Variants in ADAM19 observed in about 807,000 individuals in gnomAD.
The protein encoded by ADAM19 is disintegrin and metalloproteinase domain-containing protein 19.
Under a neutral mutation model 114.7 loss-of-function variants are expected in ADAM19, and 65 were observed. The observed-to-expected ratio is 0.57, with a 90% confidence interval of 0.46 to 0.70. The LOEUF (loss-of-function observed/expected upper bound fraction) is 0.70, where lower values mean the gene tolerates loss of function less well. Among genes scored for constraint, ADAM19 ranks in the 30% least tolerant of loss-of-function variants. The pLI is 0.00. For synonymous variants in ADAM19, 466 were observed against 460.5 expected, an observed-to-expected ratio of 1.01 and a Z score of -0.15; for missense variants, 1,063 against 1,204.7, an observed-to-expected ratio of 0.88 and a Z score of 1.74.
intron 13 of ADAM19, among the ~76,000 whole-genome samples, chr5:157,497,787 C>G (rs1238139357): frequency 1.3e-5 from 2 of 152,228 alleles, no homozygotes; most frequent in Non-Finnish European, 2.9e-5. Flanking sequence ...AACAGCACAC[C>G]TGGGGCAAAG....
intron 2 of ADAM19, chr5:157,568,363 A>G (rs568195300): frequency 1.3e-5 from 2 of 151,382 alleles, no homozygotes; most frequent in Admixed American, 6.6e-5. Context: ...TTAAAAAAGG[A>G]TGTTCCCTTT....
chr5:157,558,636 C>G (rs1271925058), intron 3 of ADAM19, among the ~76,000 whole-genome samples: 1 of 152,174 alleles, frequency 6.6e-6, no homozygotes, highest in African/African-American at 2.4e-5. Context: ...GTCCTTTATC[C>G]TAGGTAAGAT....
intron 21 of ADAM19, among the ~76,000 whole-genome samples, chr5:157,487,253 G>T (rs189498483): frequency 6.6e-6 from 1 of 151,686 alleles, no homozygotes; most frequent in African/African-American, 2.4e-5. Context: ...CTCTCTTTCT[G>T]CATGGATTTT....
At chr5:157,533,649 T>C (rs1001761683) in intron 4 of ADAM19, among the ~76,000 whole-genome samples, 1 of 152,026 alleles carries the variant, frequency 6.6e-6, no homozygotes, top group African/African-American at 2.4e-5. Context: ...GTGTATCAGC[T>C]ACAGTTTCAA....
intron 1 of ADAM19, among the ~76,000 whole-genome samples, chr5:157,574,901 C>T (rs964081798): frequency 6.6e-6 from 1 of 152,212 alleles, no homozygotes; most frequent in Non-Finnish European, 1.5e-5. Flanking sequence ...GAAAGAGAGC[C>T]CTGGTTTCCA....
At chr5:157,522,663 G>A (rs1380106511) in intron 5 of ADAM19, among the ~76,000 whole-genome samples, 2 of 152,150 alleles carry the variant, frequency 1.3e-5, no homozygotes, top group Non-Finnish European at 2.9e-5. Flanking sequence ...GCGGGTGCCT[G>A]TAATCCCAGC....
chr5:157,477,623 G>C lies in ADAM19; in HGVS notation c.*3326C>G. On this transcript the variant is annotated 3_prime_UTR_variant, in exon 23 of 23. Transcript: ENST00000257527. ...CCTGGGGAAGGGGACCTTTCCAGTT[G>C]GCGTTCCCATGGCTTTCTTGGGTGT... 3 of 1,282,806 alleles carry C rather than the reference G, an allele frequency of 2.3e-6. No individual in the cohort carries two copies. The highest frequency in any genetic ancestry group is 3.0e-6 in the Non-Finnish European group (3 of 984,206). The allele number at this position is 1,282,806 out of a possible 1,614,324, so 79.5% of individuals were successfully genotyped here. A position where few individuals can be genotyped will look rare whatever the true frequency, so the allele number is the denominator to read the frequency against.
intron 3 of ADAM19, among the ~76,000 whole-genome samples, chr5:157,549,358 C>T (rs1757129417): frequency 6.6e-6 from 1 of 152,232 alleles, no homozygotes; most frequent in Admixed American, 6.5e-5. Flanking sequence ...CAACATATCA[C>T]TCTTCTGAAT....
intron 3 of ADAM19, among the ~76,000 whole-genome samples, chr5:157,547,894 G>A (rs1437275260): frequency 3.3e-5 from 5 of 152,004 alleles, no homozygotes; most frequent in African/African-American, 7.3e-5. Flanking sequence ...TTCTTCATCC[G>A]CTTCCCATTG....
intron 12 of ADAM19, among the ~76,000 whole-genome samples, chr5:157,501,342 CATTATAT>C (rs1159814342): frequency 6.6e-6 from 1 of 152,224 alleles, no homozygotes; most frequent in Non-Finnish European, 1.5e-5. Flanking sequence ...TTCCCCCTCA[CATTATAT>C]ATGTTCAGAG....
chr5:157,540,221 T>C (rs1171864286), intron 3 of ADAM19, among the ~76,000 whole-genome samples: 3 of 152,070 alleles, frequency 2.0e-5, no homozygotes, highest in Non-Finnish European at 4.4e-5. Context: ...AAAGTTTCTC[T>C]CTCTAACTTT....
rs1293903087 is a variant in ADAM19, at chr5:157,497,106, G to A, written c.1399-17C>T. 6.7e-7 allele frequency: 1 copy of A among 1,494,824 alleles called. No individual in the cohort carries two copies. The highest frequency in any genetic ancestry group is 8.9e-7 in the Non-Finnish European group (1 of 1,128,820). 92.6% of individuals were successfully genotyped at this position (1,494,824 alleles called of 1,614,324 possible). A position where few individuals can be genotyped will look rare whatever the true frequency, so the allele number is the denominator to read the frequency against. On this transcript the variant is annotated splice_polypyrimidine_tract_variant and intron_variant, in intron 13 of 22. Coordinates refer to ENST00000257527, the MANE Select transcript of ADAM19 (RefSeq NM_033274.5). ...AGCCAACAGCTGAGCCAAGGAATGA[G>A]AGGAAAACACAGTCAATCTCCTCCC...
intron 7 of ADAM19, among the ~76,000 whole-genome samples, chr5:157,518,555 T>C (rs2113738832): frequency 6.6e-6 from 1 of 152,314 alleles, no homozygotes; most frequent in South Asian, 2.1e-4. Context: ...CAGCTAATTT[T>C]GTATTTTTAG....
chr5:157,517,801 A>T (rs373529623), intron 7 of ADAM19, among the ~76,000 whole-genome samples: 43 of 152,176 alleles, frequency 2.8e-4, no homozygotes, highest in African/African-American at 1.0e-3. Flanking sequence ...AATTCTTAGA[A>T]CCTGTCTGAT....
At chr5:157,536,863 A>G (rs923931458) in intron 4 of ADAM19, among the ~76,000 whole-genome samples, 2 of 151,852 alleles carry the variant, frequency 1.3e-5, no homozygotes, top group African/African-American at 4.8e-5. Flanking sequence ...CCACACCACA[A>G]CTCCCAGTCT....
chr5:157,511,823 C>T (rs1004628741), intron 8 of ADAM19, among the ~76,000 whole-genome samples: 6 of 152,168 alleles, frequency 3.9e-5, no homozygotes, highest in Non-Finnish European at 8.8e-5. Flanking sequence ...ACACCAGCCG[C>T]GAGGAGAGAG....
At chr5:157,513,155 A>C (rs1214340165) in intron 8 of ADAM19, among the ~76,000 whole-genome samples, 1 of 152,226 alleles carries the variant, frequency 6.6e-6, no homozygotes, top group Non-Finnish European at 1.5e-5. Context: ...CAGGAAAATA[A>C]AAATAACAAA....
At chr5:157,503,806 T>C (rs981909282) in intron 11 of ADAM19, among the ~76,000 whole-genome samples, 1 of 152,224 alleles carries the variant, frequency 6.6e-6, no homozygotes, top group African/African-American at 2.4e-5. Context: ...GGGCCAGTGA[T>C]CTCATTGCTG....
intron 3 of ADAM19, among the ~76,000 whole-genome samples, chr5:157,539,153 CAAAAA>C (rs11336664): frequency 3.3e-5 from 3 of 91,928 alleles, no homozygotes; most frequent in Non-Finnish European, 2.3e-5. Context: ...GACTCTGTCT[CAAAAA>C]AAAAAAAAAA....
Sources: gnomAD v4.1 joint callset for allele counts (sites outside exome capture counted in the v4.1 genomes callset) on GRCh38, gnomAD v4.1.1 for gene constraint, MANE v1.5 for transcripts, NCBI Gene and HGNC (gene_info 2026-07-23, HGNC 2026-07-21) for gene names.